The following SORCS3 variants were observed in gnomAD, a reference collection of about 807,000 sequenced individuals.
The protein encoded by SORCS3 is VPS10 domain-containing receptor SorCS3.
In SORCS3, 57 loss-of-function variants were observed where a neutral mutation model predicts 146.3. The ratio of observed to expected loss-of-function variants is 0.39; its 90% confidence interval spans 0.31 to 0.49. The LOEUF (loss-of-function observed/expected upper bound fraction) is 0.49, where lower values mean the gene tolerates loss of function less well. Among genes scored for constraint, SORCS3 ranks in the 20% least tolerant of loss-of-function variants. The pLI, the probability that SORCS3 is intolerant of heterozygous loss-of-function variation, is 0.92. For synonymous variants in SORCS3, 653 were observed against 618.5 expected (o/e 1.06, Z -0.83); for missense variants, 1,341 against 1,575.5 (o/e 0.85, Z 2.52).
chr10:104,670,047 CT>C (rs1459716702), intron 1 of SORCS3, among the ~76,000 whole-genome samples: 2 of 151,962 alleles, frequency 1.3e-5, no homozygotes, highest in East Asian at 3.9e-4. Context: ...TATTCAAGTC[CT>C]TTGCCCATTT....
At chr10:104,847,184 C>T (rs74972814) in intron 2 of SORCS3, among the ~76,000 whole-genome samples, 1,720 of 152,260 alleles carry the variant, frequency 0.011, 40 homozygotes, top group African/African-American at 0.039. Context: ...TGGTGGCATT[C>T]ATGGTCCTCA....
chr10:105,004,824 CG>C (rs1589589900), intron 4 of SORCS3, among the ~76,000 whole-genome samples: 2 of 75,738 alleles, frequency 2.6e-5, no homozygotes, highest in African/African-American at 1.1e-4. Flanking sequence ...AAGTGGGGGG[CG>C]GGGGGAGTGC....
chr10:104,760,009 G>T (rs1272166417), intron 1 of SORCS3, among the ~76,000 whole-genome samples: 1 of 152,208 alleles, frequency 6.6e-6, no homozygotes, highest in African/African-American at 2.4e-5. Context: ...GGCCCAGGGG[G>T]GCAATAGCTG....
chr10:104,716,986 T>C (rs146083945), intron 1 of SORCS3, among the ~76,000 whole-genome samples: 40 of 152,328 alleles, frequency 2.6e-4, no homozygotes, highest in African/African-American at 9.4e-4. Context: ...AAGTATATTC[T>C]AGCCTTGAAA....
intron 2 of SORCS3, among the ~76,000 whole-genome samples, chr10:104,877,876 T>C (rs2018592644): frequency 6.6e-6 from 1 of 152,212 alleles, no homozygotes; most frequent in African/African-American, 2.4e-5. Context: ...ATTCTCTAAA[T>C]TATAAAACTA....
At chr10:105,175,853 T>C (rs2056397649) in intron 13 of SORCS3, among the ~76,000 whole-genome samples, 1 of 152,236 alleles carries the variant, frequency 6.6e-6, no homozygotes, top group Non-Finnish European at 1.5e-5. Context: ...GATCAAGGTA[T>C]ACCATAAATG....
intron 5 of SORCS3, among the ~76,000 whole-genome samples, chr10:105,087,077 CTT>C (rs2055666825): frequency 6.6e-6 from 1 of 152,134 alleles, no homozygotes; most frequent in South Asian, 2.1e-4. Context: ...ATGTTTAAGT[CTT>C]TAATCCATCT....
chr10:105,128,606 T>C (rs1034263001), intron 7 of SORCS3, among the ~76,000 whole-genome samples: 2 of 152,190 alleles, frequency 1.3e-5, no homozygotes, highest in East Asian at 3.9e-4. Flanking sequence ...GATGTTTCTG[T>C]TCTATAGCTG....
intron 6 of SORCS3, among the ~76,000 whole-genome samples, chr10:105,092,760 A>C (rs1015135824): frequency 3.9e-5 from 6 of 152,170 alleles, no homozygotes; most frequent in Admixed American, 1.3e-4. Flanking sequence ...ATAGGAAAAA[A>C]CAAACAAACA....
chr10:105,224,771 T>C (rs995846632), intron 20 of SORCS3, among the ~76,000 whole-genome samples: 7 of 152,204 alleles, frequency 4.6e-5, no homozygotes, highest in African/African-American at 1.2e-4. Context: ...TTCTGGATTT[T>C]GGTCATTCTA....
At chr10:104,740,100 A>G (rs947066895) in intron 1 of SORCS3, among the ~76,000 whole-genome samples, 1 of 152,252 alleles carries the variant, frequency 6.6e-6, no homozygotes, top group East Asian at 1.9e-4. Flanking sequence ...AAAACATGCA[A>G]AAAGGTATGC....
Position 105,241,320 on chromosome 10 carries a change from T to C in SORCS3, c.2869-4222T>C, listed in dbSNP as rs566135289. ...GGTGCTGACACAGGAGCAAGCTCCATGGAGGGCCCATGGCCAGACCAGGTG... is the reference window on the plus strand; with the variant it reads ...GGTGCTGACACAGGAGCAAGCTCCACGGAGGGCCCATGGCCAGACCAGGTG... On this transcript the variant is annotated intron_variant, in intron 20 of 26. Transcript: ENST00000369701. Among the ~76,000 whole-genome samples the C allele has an allele frequency of 5.3e-5, 8 of 152,286 alleles. No individual in the cohort carries two copies. In the South Asian group the frequency reaches 1.7e-3, roughly 32 times the overall value.
rs183373922 is a variant in SORCS3, at chr10:104,849,272, C to T, written c.695+6413C>T. Among the ~76,000 whole-genome samples the T allele has an allele frequency of 1.1e-4, 16 of 151,832 alleles. No individual in the cohort carries two copies. In the East Asian group the frequency reaches 1.7e-3, roughly 17 times the overall value. On this transcript the variant is annotated intron_variant, in intron 2 of 26. Transcript: ENST00000369701. The stretch of plus-strand genomic sequence containing the variant: ...CTAAAAAATACAAAAATTAGCTAGG[C>T]GTGGTGGTGGGTGCCTGTAATCCCA...
intron 1 of SORCS3, among the ~76,000 whole-genome samples, chr10:104,648,640 T>G (rs1390231627): frequency 6.6e-6 from 1 of 152,202 alleles, no homozygotes; most frequent in Non-Finnish European, 1.5e-5. Context: ...GGGGGCCTCT[T>G]GTGAGTCACT....
intron 8 of SORCS3, among the ~76,000 whole-genome samples, chr10:105,143,870 G>C (rs1299397691): frequency 6.6e-6 from 1 of 152,086 alleles, no homozygotes; most frequent in East Asian, 1.9e-4. Context: ...ACCTCATGGA[G>C]AACCGGCTTC....
intron 1 of SORCS3, among the ~76,000 whole-genome samples, chr10:104,667,758 T>A (rs951615806): frequency 3.3e-5 from 5 of 152,200 alleles, no homozygotes; most frequent in African/African-American, 9.6e-5. Context: ...GATTGTGATT[T>A]CAAGTTGTAT....
At chr10:105,243,705 T>C (rs548708880) in intron 20 of SORCS3, among the ~76,000 whole-genome samples, 1 of 152,206 alleles carries the variant, frequency 6.6e-6, no homozygotes, top group East Asian at 1.9e-4. Context: ...ATTTACCAAA[T>C]AGAAAAGAAA....
chr10:105,016,156 T>TATATATATATATATATATATATATA (rs1554868994), intron 4 of SORCS3, among the ~76,000 whole-genome samples: 2 of 74,862 alleles, frequency 2.7e-5, no homozygotes, highest in African/African-American at 8.2e-5. Context: ...TATATATATA[T>TATATATATATATATATATATATATA]TTTTTTTTTT....
At chr10:104,979,898 TAAG>T (rs1023498970) in intron 4 of SORCS3, among the ~76,000 whole-genome samples, 1 of 152,220 alleles carries the variant, frequency 6.6e-6, no homozygotes, top group African/African-American at 2.4e-5. Flanking sequence ...AATTTATTTA[TAAG>T]AAGCTCAGAC....
Sources: allele counts gnomAD v4.1 joint callset (sites outside exome capture counted in the v4.1 genomes callset), GRCh38; gene constraint gnomAD v4.1.1; transcripts MANE v1.5; gene names NCBI Gene and HGNC (gene_info 2026-07-23, HGNC 2026-07-21).